The following GALNTL6 variants were observed in gnomAD, a reference collection of about 807,000 sequenced individuals.
GALNTL6 encodes polypeptide N-acetylgalactosaminyltransferase like 6.
In GALNTL6, 46 loss-of-function variants were observed where a neutral mutation model predicts 73.7. The observed-to-expected ratio is 0.62, with a 90% CI of 0.49 to 0.80. GALNTL6 has a LOEUF of 0.80. GALNTL6 is among the 30% of genes least tolerant of loss of function. GALNTL6 has a pLI of 0.00. For missense variants in GALNTL6, 604 were observed against 755.0 expected (o/e 0.80, Z 2.34); for synonymous variants, 259 against 263.7 (o/e 0.98, Z 0.17).
At chr4:172,724,473 G>A (rs1252908643) in intron 5 of GALNTL6, among the ~76,000 whole-genome samples, 4 of 152,176 alleles carry the variant, frequency 2.6e-5, no homozygotes, top group Admixed American at 2.6e-4. Flanking sequence ...CCTTTGTGAA[G>A]CATCTCTGAA....
intron 7 of GALNTL6, among the ~76,000 whole-genome samples, chr4:172,838,230 A>T (rs1406340388): frequency 1.3e-5 from 2 of 152,192 alleles, no homozygotes; most frequent in African/African-American, 4.8e-5. Context: ...GTGATTGTGA[A>T]GGTGATCAGG....
At chr4:172,543,100 G>T (rs201837550) in intron 5 of GALNTL6, among the ~76,000 whole-genome samples, 1 of 151,986 alleles carries the variant, frequency 6.6e-6, no homozygotes, top group African/African-American at 2.4e-5. Flanking sequence ...CATCGCAAAA[G>T]AAAAGGAACA....
At chr4:171,820,914 G>A (rs147870082) in intron 2 of GALNTL6, among the ~76,000 whole-genome samples, 12 of 152,232 alleles carry the variant, frequency 7.9e-5, no homozygotes, top group African/African-American at 2.9e-4. Flanking sequence ...TTCAATACTT[G>A]AAATCTAGAA....
chr4:171,997,827 C>A (rs904888945), intron 2 of GALNTL6, among the ~76,000 whole-genome samples: 3 of 152,052 alleles, frequency 2.0e-5, no homozygotes, highest in African/African-American at 7.2e-5. Flanking sequence ...TTTTTCCAGG[C>A]TCTTAAAGAT....
intron 7 of GALNTL6, among the ~76,000 whole-genome samples, chr4:172,868,624 A>G (rs1334122155): frequency 6.6e-6 from 1 of 152,240 alleles, no homozygotes; most frequent in Non-Finnish European, 1.5e-5. Context: ...CTGGTAGAAT[A>G]TAACAGGAGC....
chr4:172,846,094 T>C (rs1244629489), intron 7 of GALNTL6, among the ~76,000 whole-genome samples: 1 of 152,220 alleles, frequency 6.6e-6, no homozygotes, highest in Non-Finnish European at 1.5e-5. Flanking sequence ...TTACAAATAA[T>C]CAAATGTATC....
chr4:172,378,477 A>G (rs551191503), intron 5 of GALNTL6, among the ~76,000 whole-genome samples: 25 of 152,354 alleles, frequency 1.6e-4, no homozygotes, highest in African/African-American at 5.8e-4. Flanking sequence ...CTAATTGTGT[A>G]TTTATCTTAA....
chr4:172,315,918 A>G (rs950560154), intron 4 of GALNTL6, among the ~76,000 whole-genome samples: 1 of 152,132 alleles, frequency 6.6e-6, no homozygotes, highest in Non-Finnish European at 1.5e-5. Flanking sequence ...ATAGTTCAGG[A>G]TGGGAGACAT....
At chr4:172,556,794 A>G (rs1736160320) in intron 5 of GALNTL6, among the ~76,000 whole-genome samples, 1 of 151,942 alleles carries the variant, frequency 6.6e-6, no homozygotes, top group Non-Finnish European at 1.5e-5. Context: ...ATTACTAGAC[A>G]TAAGGATGGT....
chr4:172,812,197 G>A (rs922383043), intron 6 of GALNTL6, among the ~76,000 whole-genome samples: 32 of 152,112 alleles, frequency 2.1e-4, no homozygotes, highest in Admixed American at 1.3e-4. Flanking sequence ...ATTATAACCA[G>A]TAAAACCTTA....
At chr4:172,279,982 AC>A (rs1738984144) in intron 3 of GALNTL6, among the ~76,000 whole-genome samples, 1 of 152,196 alleles carries the variant, frequency 6.6e-6, no homozygotes, top group Non-Finnish European at 1.5e-5. Flanking sequence ...GATCACAAAG[AC>A]AAATAACGTA....
At chr4:172,955,756 A>T (rs1749711394) in intron 10 of GALNTL6, among the ~76,000 whole-genome samples, 1 of 151,588 alleles carries the variant, frequency 6.6e-6, no homozygotes, top group Non-Finnish European at 1.5e-5. Context: ...GTCCGAAAAG[A>T]AGGGAGATAG....
intron 2 of GALNTL6, among the ~76,000 whole-genome samples, chr4:171,867,354 CA>C (rs953786122): frequency 2.6e-5 from 4 of 151,992 alleles, no homozygotes; most frequent in Non-Finnish European, 4.4e-5. Context: ...GAAATTTCTG[CA>C]AAAAAAGAAT....
chr4:171,885,631 C>T (rs1484452824), intron 2 of GALNTL6, among the ~76,000 whole-genome samples: 3 of 151,862 alleles, frequency 2.0e-5, no homozygotes, highest in Admixed American at 1.3e-4. Context: ...CACAGTGAGA[C>T]CCTGTCTCCG....
rs114430706 is a variant in GALNTL6, at chr4:171,856,602, T to C, written c.138+41884T>C. 6.9e-3 allele frequency among the ~76,000 whole-genome samples: 1,044 copies of C among 152,304 alleles called. 15 individuals are homozygous for C. Among genetic ancestry groups the C allele is most frequent in the African/African-American group, 0.024 (989 of 41,568 alleles). On this transcript the variant is annotated intron_variant, in intron 2 of 12. Coordinates refer to ENST00000506823, the MANE Select transcript of GALNTL6 (RefSeq NM_001034845.3). The stretch of plus-strand genomic sequence containing the variant: ...AGTTAATTTTTGTGAAAAGTATTAA[T>C]GTAAGGTCTGTCTCAAGTATTTTTT...
chr4:172,015,923 A>ATTTTTTTTTTTTTTTTTT (rs70941375), intron 2 of GALNTL6, among the ~76,000 whole-genome samples: 3 of 44,052 alleles, frequency 6.8e-5, no homozygotes, highest in African/African-American at 1.6e-4. Context: ...ATCTAATAGG[A>ATTTTTTTTTTTTTTTTTT]TTTTTTTTTT....
intron 5 of GALNTL6, among the ~76,000 whole-genome samples, chr4:172,595,264 G>C (rs1395905350): frequency 1.3e-5 from 2 of 152,094 alleles, no homozygotes; most frequent in Non-Finnish European, 2.9e-5. Flanking sequence ...ATTACAAGGA[G>C]AGTGCTTTTA....
intron 2 of GALNTL6, among the ~76,000 whole-genome samples, chr4:172,211,146 T>C (rs1736309837): frequency 6.6e-6 from 1 of 152,176 alleles, no homozygotes. Flanking sequence ...ATTCTAACAT[T>C]ATAAGATGCT....
intron 2 of GALNTL6, among the ~76,000 whole-genome samples, chr4:171,950,772 C>A (rs1024118397): frequency 6.6e-6 from 1 of 152,030 alleles, no homozygotes; most frequent in African/African-American, 2.4e-5. Flanking sequence ...GCCACAACGC[C>A]CAGCCAGTAA....
Sources: allele counts gnomAD v4.1 joint callset (sites outside exome capture counted in the v4.1 genomes callset), GRCh38; gene constraint gnomAD v4.1.1; transcripts MANE v1.5; gene names NCBI Gene and HGNC (gene_info 2026-07-23, HGNC 2026-07-21).